OSBPL6: variants seen among roughly 807,000 people sequenced by gnomAD.
OSBPL6 encodes oxysterol binding protein like 6.
Under a neutral mutation model 125.8 loss-of-function variants are expected in OSBPL6, and 49 were observed. The ratio of observed to expected loss-of-function variants is 0.39; its 90% confidence interval spans 0.31 to 0.49. The LOEUF (loss-of-function observed/expected upper bound fraction) is 0.49. Ranked by LOEUF, OSBPL6 falls within the 20% of genes least tolerant of loss-of-function variation. The pLI, the probability that OSBPL6 is intolerant of heterozygous loss-of-function variation, is 0.88. For synonymous variants in OSBPL6, 394 were observed against 391.8 expected, an observed-to-expected ratio of 1.01 and a Z score of -0.07; for missense variants, 986 against 1,135.4, an observed-to-expected ratio of 0.87 and a Z score of 1.89.
chr2:178,277,391 GA>G (rs998009235), intron 1 of OSBPL6, among the ~76,000 whole-genome samples: 7 of 152,028 alleles, frequency 4.6e-5, no homozygotes, highest in Non-Finnish European at 5.9e-5. Context: ...TAATTTGGGG[GA>G]AAAAAATCTT....
chr2:178,209,203 CTCTT>C (rs1435127881), intron 1 of OSBPL6, among the ~76,000 whole-genome samples: 3 of 152,054 alleles, frequency 2.0e-5, no homozygotes, highest in Non-Finnish European at 1.5e-5. Context: ...TTTCCCTGTT[CTCTT>C]TTTCTGGAAT....
intron 6 of OSBPL6, among the ~76,000 whole-genome samples, 161 bp from the exon 7 acceptor site, chr2:178,332,479 CT>C (rs1200028417): frequency 6.6e-6 from 1 of 152,174 alleles, no homozygotes; most frequent in Non-Finnish European, 1.5e-5. Context: ...GTCCTAGAAC[CT>C]AATCCATAGA....
intron 1 of OSBPL6, among the ~76,000 whole-genome samples, chr2:178,217,304 G>A (rs1276694466): frequency 1.3e-5 from 2 of 152,138 alleles, no homozygotes; most frequent in Non-Finnish European, 2.9e-5. Flanking sequence ...ACTCAAGGAA[G>A]GACCAAAGAA....
chr2:178,390,552 G>C (rs1695317929), intron 21 of OSBPL6, among the ~76,000 whole-genome samples: 1 of 152,222 alleles, frequency 6.6e-6, no homozygotes, highest in Admixed American at 6.5e-5. Context: ...AGGAATTCTA[G>C]GGTCCTGTAT....
At chr2:178,235,591 A>C (rs1212741846) in intron 1 of OSBPL6, among the ~76,000 whole-genome samples, 2 of 151,570 alleles carry the variant, frequency 1.3e-5, no homozygotes, top group Admixed American at 6.6e-5. Context: ...TATTTTTAGA[A>C]GAGATGGGGT....
chr2:178,248,784 C>T (rs1205072250), intron 1 of OSBPL6, among the ~76,000 whole-genome samples: 1 of 151,930 alleles, frequency 6.6e-6, no homozygotes, highest in Non-Finnish European at 1.5e-5. Flanking sequence ...ATACAAGTAA[C>T]ATGACTCAAT....
At chr2:178,335,445 G>A (rs1319939578) in intron 8 of OSBPL6, among the ~76,000 whole-genome samples, 1 of 152,106 alleles carries the variant, frequency 6.6e-6, no homozygotes. Flanking sequence ...AGAGTGAAAA[G>A]AGCTTTTTAT....
chr2:178,215,922 C>G lies in OSBPL6; in HGVS notation c.-351+21248C>G, dbSNP rs186858659. On this transcript the variant is annotated intron_variant, in intron 1 of 24. Coordinates refer to ENST00000190611, the MANE Select transcript of OSBPL6 (RefSeq NM_032523.4). ...CATCTACACTGGGTCTGGTGCGTGA[C>G]ACACACACAATTTCATTTATTGGTT... Among the ~76,000 whole-genome samples, 25 of 152,266 alleles carry G rather than the reference C, an allele frequency of 1.6e-4. No homozygotes were observed. In the East Asian group the frequency reaches 1.9e-3, roughly 12 times the overall value.
intron 1 of OSBPL6, among the ~76,000 whole-genome samples, chr2:178,236,944 C>A (rs1050522184): frequency 1.3e-5 from 2 of 152,148 alleles, no homozygotes; most frequent in Non-Finnish European, 2.9e-5. Context: ...GGTTTCATGG[C>A]CTTAGCTTGG....
chr2:178,402,766 T>C lies in OSBPL6; in HGVS notation c.*7207T>C, dbSNP rs1191691089. Reference sequence around the variant, plus strand: ...AAATTTCCTAATGAAAGAGGAATTATTCACTGAAAAATTTGTCTAATCTGT... The same window carrying C: ...AAATTTCCTAATGAAAGAGGAATTACTCACTGAAAAATTTGTCTAATCTGT... On this transcript the variant is annotated 3_prime_UTR_variant, in exon 25 of 25. Coordinates refer to ENST00000190611, the MANE Select transcript of OSBPL6 (RefSeq NM_032523.4). 1 of 152,200 alleles carries C rather than the reference T, an allele frequency of 6.6e-6. No homozygotes were observed. Among genetic ancestry groups the C allele is most frequent in the African/African-American group, 2.4e-5 (1 of 41,450 alleles). The allele number at this position is 152,200 out of a possible 1,614,324, so 9.4% of individuals were successfully genotyped here.
intron 8 of OSBPL6, among the ~76,000 whole-genome samples, chr2:178,334,710 C>G (rs1283425608): frequency 6.6e-6 from 1 of 152,072 alleles, no homozygotes; most frequent in East Asian, 1.9e-4. Flanking sequence ...TTAGTAGAGA[C>G]AGGGTTTCGC....
At chr2:178,295,992 A>AT (rs1445895270) in intron 2 of OSBPL6, among the ~76,000 whole-genome samples, 4 of 152,044 alleles carry the variant, frequency 2.6e-5, no homozygotes, top group Non-Finnish European at 4.4e-5. Flanking sequence ...CAATTCCTTT[A>AT]TTTTTGGGGC....
chr2:178,380,121 C>T (rs923016673), intron 15 of OSBPL6, among the ~76,000 whole-genome samples: 4 of 151,886 alleles, frequency 2.6e-5, no homozygotes, highest in African/African-American at 7.3e-5. Context: ...AAAGATAAGA[C>T]AAGGAGTTCA....
intron 2 of OSBPL6, among the ~76,000 whole-genome samples, chr2:178,287,149 T>TAAA (rs66530877): frequency 8.0e-6 from 1 of 125,446 alleles, no homozygotes; most frequent in African/African-American, 2.7e-5. Flanking sequence ...CTTCTTTTTT[T>TAAA]AAAAAAAAAA....
rs80223128 is a variant in OSBPL6, at chr2:178,303,945, G to A, written c.-155-2085G>A. 0.015 allele frequency among the ~76,000 whole-genome samples: 2,335 copies of A among 152,096 alleles called. 107 individuals carry two copies. In the East Asian group the frequency reaches 0.18, roughly 12 times the overall value. On this transcript the variant is annotated intron_variant, in intron 2 of 24. Coordinates refer to ENST00000190611, the MANE Select transcript of OSBPL6 (RefSeq NM_032523.4). ...CCTTTAGTAACACAAATCTGGTTAC[G>A]TCTCGATGGCTTCTCATGCTTATGA...
rs377444252 is a variant in OSBPL6 at position 178,200,988 on chromosome 2, G to A, written c.-351+6314G>A. Among the ~76,000 whole-genome samples, 118 of 151,998 alleles carry A rather than the reference G, an allele frequency of 7.8e-4. 1 individual carries two copies. Among genetic ancestry groups the A allele is most frequent in the African/African-American group, 2.6e-3 (109 of 41,466 alleles). On this transcript the variant is annotated intron_variant, in intron 1 of 24. Transcript: ENST00000190611. Reference sequence around the variant, plus strand: ...TTTTTGTATTTTTAGTAGAGATGGGGTTTCACCGTGTTAGCCAGGATGGTC... The same window carrying A: ...TTTTTGTATTTTTAGTAGAGATGGGATTTCACCGTGTTAGCCAGGATGGTC...
At chr2:178,310,251 T>C (rs1391317180) in intron 3 of OSBPL6, among the ~76,000 whole-genome samples, 1 of 152,110 alleles carries the variant, frequency 6.6e-6, no homozygotes. Context: ...CAATACTTAT[T>C]TATGTTGACT....
In OSBPL6 at chr2:178,344,358, A is replaced by G. The variant is rs775032605; in HGVS notation, c.987+4594A>G. 3.7e-6 allele frequency: 6 copies of G among 1,613,942 alleles called. No individual in the cohort carries two copies. The African/African-American group carries it at 6.7e-5, about 18-fold the overall frequency. On this transcript the variant is annotated intron_variant, in intron 11 of 24. Coordinates refer to ENST00000190611, the MANE Select transcript of OSBPL6 (RefSeq NM_032523.4). ...GAGGCTAGCGGCAGCAGTGGCTACA[A>G]CAGTGAGTGGATTTCAATCTCAAGT...
At chr2:178,266,456 A>G (rs2092237010) in intron 1 of OSBPL6, among the ~76,000 whole-genome samples, 1 of 152,200 alleles carries the variant, frequency 6.6e-6, no homozygotes. Flanking sequence ...TGAAAGAACC[A>G]AACAGAAGCC....
Sources: gnomAD v4.1 joint callset for allele counts (sites outside exome capture counted in the v4.1 genomes callset) on GRCh38, gnomAD v4.1.1 for gene constraint, MANE v1.5 for transcripts, NCBI Gene and HGNC (gene_info 2026-07-23, HGNC 2026-07-21) for gene names.